SMCHD1: variants seen among roughly 807,000 people sequenced by gnomAD.
SMCHD1 encodes structural maintenance of chromosomes flexible hinge domain-containing protein 1.
In SMCHD1, 78 loss-of-function variants were observed where a neutral mutation model predicts 254.7. That is an observed-to-expected ratio of 0.31 (90% CI 0.26 to 0.37). The LOEUF is 0.37. SMCHD1 is among the 10% of genes least tolerant of loss of function. SMCHD1 has a pLI of 1.00. For synonymous variants in SMCHD1, 766 were observed against 794.9 expected, an observed-to-expected ratio of 0.96 and a Z score of 0.61; for missense variants, 1,840 against 2,408.1, an observed-to-expected ratio of 0.76 and a Z score of 4.94.
intron 39 of SMCHD1, 74 bp downstream of exon 39, chr18:2,770,182 A>C: frequency 7.0e-7 from 1 of 1,432,212 alleles, no homozygotes; most frequent in Non-Finnish European, 9.4e-7. Flanking sequence ...TGATACACAA[A>C]CAAGCTTCCA....
At chr18:2,708,907 T>TGTATATATATATATATATAA (rs1555635505) in intron 17 of SMCHD1, among the ~76,000 whole-genome samples, 3 of 44,702 alleles carry the variant, frequency 6.7e-5, no homozygotes, top group African/African-American at 2.5e-4. Flanking sequence ...TATATATATA[T>TGTATATATATATATATATAA]AACATATTAA....
At chr18:2,723,763 G>A (rs932255039) in intron 20 of SMCHD1, among the ~76,000 whole-genome samples, 1 of 152,120 alleles carries the variant, frequency 6.6e-6, no homozygotes, top group Non-Finnish European at 1.5e-5. Context: ...ATCTGCCAGA[G>A]GCAGAGAGGA....
intron 47 of SMCHD1, among the ~76,000 whole-genome samples, chr18:2,797,691 G>A (rs532816559): frequency 6.6e-6 from 1 of 152,298 alleles, no homozygotes; most frequent in East Asian, 1.9e-4. Context: ...TTGGGAGGCC[G>A]AGGCAGGTGG....
intron 1 of SMCHD1, among the ~76,000 whole-genome samples, chr18:2,664,880 A>G (rs1312424864): frequency 6.6e-6 from 1 of 152,246 alleles, no homozygotes; most frequent in Admixed American, 6.5e-5. Flanking sequence ...CAAGAAAAGC[A>G]GTGTAAATAA....
chr18:2,743,091 A>G (rs994814811), intron 28 of SMCHD1, among the ~76,000 whole-genome samples: 1 of 152,250 alleles, frequency 6.6e-6, no homozygotes, highest in African/African-American at 2.4e-5. Context: ...AAGGGTCACC[A>G]TTAAAATACA....
intron 30 of SMCHD1, among the ~76,000 whole-genome samples, chr18:2,749,671 ATATATTT>A (rs1328854919): frequency 6.6e-6 from 1 of 152,228 alleles, no homozygotes; most frequent in Non-Finnish European, 1.5e-5. Flanking sequence ...TGTGTACAGT[ATATATTT>A]CTCCAGTGCA....
chr18:2,718,689 G>C lies in SMCHD1; in HGVS notation c.2458+255G>C, dbSNP rs1397915249. Among the ~76,000 whole-genome samples, 2 of 152,046 alleles carry C rather than the reference G, an allele frequency of 1.3e-5. No individual in the cohort carries two copies. The highest frequency in any genetic ancestry group is 2.9e-5 in the Non-Finnish European group (2 of 68,008). Reference sequence around the variant, plus strand: ...TCCTGCCTCAGCCTCCCGAGTAGCTGGGATTACAGGCGCCCGCCACCACAC... The same window carrying C: ...TCCTGCCTCAGCCTCCCGAGTAGCTCGGATTACAGGCGCCCGCCACCACAC... On this transcript the variant is annotated intron_variant, in intron 19 of 47. Coordinates refer to ENST00000320876, the MANE Select transcript of SMCHD1 (RefSeq NM_015295.3). The surrounding 1 kb of genome is among the most constrained non-coding windows in gnomAD (Gnocchi z 4.6).
At chr18:2,793,488 C>G (rs1474125358) in intron 45 of SMCHD1, among the ~76,000 whole-genome samples, 1 of 151,644 alleles carries the variant, frequency 6.6e-6, no homozygotes, top group African/African-American at 2.4e-5. Context: ...ACAGTGAAAC[C>G]CTGTCTCTAC....
chr18:2,680,093 A>G (rs1421217105), intron 5 of SMCHD1, among the ~76,000 whole-genome samples: 1 of 151,938 alleles, frequency 6.6e-6, no homozygotes, highest in East Asian at 1.9e-4. Context: ...GGTGAAATAC[A>G]TTTCTTATAC....
At chr18:2,669,705 G>GTTTATCTCTTGAAGTCCAGT (rs2073542642) in intron 3 of SMCHD1, among the ~76,000 whole-genome samples, 1 of 152,190 alleles carries the variant, frequency 6.6e-6, no homozygotes, top group African/African-American at 2.4e-5. Flanking sequence ...ATGGTGCCGG[G>GTTTATCTCTTGAAGTCCAGT]TTTATCTCTT....
intron 5 of SMCHD1, among the ~76,000 whole-genome samples, chr18:2,684,085 T>C (rs1598309912): frequency 6.6e-6 from 1 of 152,310 alleles, no homozygotes; most frequent in African/African-American, 2.4e-5. Context: ...CTTAAATTTT[T>C]TGAAAGTCAA....
rs762299567 is a variant in SMCHD1 at position 2,700,549 on chromosome 18, T to A, written c.1353T>A (p.Asp451Glu). 6.2e-7 allele frequency: 1 copy of A among 1,605,906 alleles called. No individual in the cohort carries two copies. The highest frequency in any genetic ancestry group is 8.5e-7 in the Non-Finnish European group (1 of 1,177,244). Residue 451 changes from aspartate (D) to glutamate (E), a missense_variant, in exon 11 of 48, where the codon GAT becomes GAA. Asp to Glu is a conservative substitution (Grantham distance 45). This residue lies in a region of SMCHD1 where 498 missense variants were observed against 743.5 expected (regional missense o/e 0.67). Coordinates refer to ENST00000320876, the MANE Select transcript of SMCHD1 (RefSeq NM_015295.3). Reference sequence around the variant, plus strand: ...GCCCTTTTGATCTAGAATTAAAAGATGAAGATGATGAAGATGATTGTTTCA... The same window carrying A: ...GCCCTTTTGATCTAGAATTAAAAGAAGAAGATGATGAAGATGATTGTTTCA... ...DDPCFPSKLK[D>E]EDDEDDCFIL... is the part of the protein sequence containing the mutation.
At position 2,804,599 on chromosome 18, in the gene SMCHD1, A is replaced by C. The variant is rs2076415309; in HGVS notation, c.*2047A>C. On this transcript the variant is annotated 3_prime_UTR_variant, in exon 48 of 48. Transcript: ENST00000320876. ...GGAGTTTTTCTACCCTGTAAAAATT[A>C]ACTTTGTGGTTCCCAGTAATTACAG... 1 of 152,234 alleles carries C rather than the reference A, an allele frequency of 6.6e-6. No homozygotes were observed. Among genetic ancestry groups the C allele is most frequent in the South Asian group, 2.1e-4 (1 of 4,832 alleles). 9.4% of individuals were successfully genotyped at this position (152,234 alleles called of 1,614,324 possible). A position where few individuals can be genotyped will look rare whatever the true frequency, so the allele number is the denominator to read the frequency against.
intron 1 of SMCHD1, among the ~76,000 whole-genome samples, chr18:2,660,248 C>T (rs117725795): frequency 0.034 from 5,155 of 152,118 alleles, 125 homozygotes; most frequent in Middle Eastern, 0.058. Context: ...TTACTTGAAC[C>T]CGGGAGTCGG....
In SMCHD1 at chr18:2,705,814, C is replaced by A; in HGVS notation, c.1956+7C>A. The A allele has an allele frequency of 6.7e-7, 1 of 1,489,572 alleles. No homozygotes were observed. The allele number at this position is 1,489,572 out of a possible 1,614,324, so 92.3% of individuals were successfully genotyped here. A position where few individuals can be genotyped will look rare whatever the true frequency, so the allele number is the denominator to read the frequency against. ...AGAGGTTCAAATTGCAATGGTAAGACAGCAAGTGATAAAACATACTGAAAG... is the reference window on the plus strand; with the variant it reads ...AGAGGTTCAAATTGCAATGGTAAGAAAGCAAGTGATAAAACATACTGAAAG... On this transcript the variant is annotated splice_region_variant and intron_variant, in intron 14 of 47. Coordinates refer to ENST00000320876, the MANE Select transcript of SMCHD1 (RefSeq NM_015295.3).
At chr18:2,709,426 G>C (rs1357643733) in intron 17 of SMCHD1, among the ~76,000 whole-genome samples, 1 of 152,116 alleles carries the variant, frequency 6.6e-6, no homozygotes, top group East Asian at 1.9e-4. Context: ...AAGTGGACTT[G>C]CTGGGTCATA....
chr18:2,733,555 G>C (rs2075184833), intron 25 of SMCHD1, among the ~76,000 whole-genome samples: 1 of 152,198 alleles, frequency 6.6e-6, no homozygotes, highest in African/African-American at 2.4e-5. Context: ...GTGACTGATA[G>C]GTGTTTGAGG....
chr18:2,672,931 C>A, intron 3 of SMCHD1: 1 of 302,280 alleles, frequency 3.3e-6, no homozygotes, highest in Non-Finnish European at 4.9e-6. Context: ...TGGACTTGTG[C>A]TTGATGTAAT....
At chr18:2,717,871 G>T (rs1009990210) in intron 17 of SMCHD1, among the ~76,000 whole-genome samples, 3 of 151,838 alleles carry the variant, frequency 2.0e-5, no homozygotes, top group African/African-American at 4.8e-5. Flanking sequence ...GGAATTTTTT[G>T]GAGAGGTCAT....
Sources: allele counts gnomAD v4.1 joint callset (sites outside exome capture counted in the v4.1 genomes callset), GRCh38; gene constraint gnomAD v4.1.1; regional missense constraint gnomAD v4.1.1; non-coding constraint Gnocchi (gnomAD v3.1); transcripts MANE v1.5; gene names NCBI Gene and HGNC (gene_info 2026-07-23, HGNC 2026-07-21).